The following P4HA1 variants were observed in gnomAD, a reference collection of about 807,000 sequenced individuals.
The protein encoded by P4HA1 is prolyl 4-hydroxylase subunit alpha 1, also known as prolyl 4-hydroxylase subunit alpha-1.
A neutral mutation model predicts 72.8 loss-of-function variants in P4HA1; 24 were observed. That is an observed-to-expected ratio of 0.33 (90% CI 0.24 to 0.46). The LOEUF (loss-of-function observed/expected upper bound fraction) is 0.46, where lower values mean the gene tolerates loss of function less well. Ranked by LOEUF, P4HA1 falls within the 20% of genes least tolerant of loss-of-function variation. The pLI, the probability that P4HA1 is intolerant of heterozygous loss-of-function variation, is 1.00. For synonymous variants in P4HA1, 201 were observed against 218.8 expected, an observed-to-expected ratio of 0.92 and a Z score of 0.72; for missense variants, 446 against 640.6, an observed-to-expected ratio of 0.70 and a Z score of 3.28.
At chr10:73,056,120 T>C (rs939324194) in intron 5 of P4HA1, among the ~76,000 whole-genome samples, 1 of 152,188 alleles carries the variant, frequency 6.6e-6, no homozygotes, top group Non-Finnish European at 1.5e-5. Context: ...AGTTATTTCA[T>C]TGAGATTTAG....
At chr10:73,093,873 AATATATATATATAT>A (rs1167437294) in intron 1 of P4HA1, among the ~76,000 whole-genome samples, 324 of 29,294 alleles carry the variant, frequency 0.011, 6 homozygotes, top group Non-Finnish European at 0.015. Flanking sequence ...AAAAAAAAAA[AATATATATATATAT>A]ATATATATAT....
At chr10:73,047,631 TAAAC>T (rs1415630755) in intron 7 of P4HA1, among the ~76,000 whole-genome samples, 2 of 150,936 alleles carry the variant, frequency 1.3e-5, no homozygotes, top group African/African-American at 2.4e-5. Context: ...AATAAGTTAT[TAAAC>T]AAAGATCCCA....
intron 1 of P4HA1, among the ~76,000 whole-genome samples, chr10:73,091,504 T>C (rs1450955138): frequency 1.3e-5 from 2 of 152,160 alleles, no homozygotes; most frequent in Non-Finnish European, 2.9e-5. Context: ...TTGGAGAAAT[T>C]AGATATGCAA....
At chr10:73,032,769 C>G (rs977737877) in intron 9 of P4HA1, among the ~76,000 whole-genome samples, 2 of 152,102 alleles carry the variant, frequency 1.3e-5, no homozygotes, top group East Asian at 3.9e-4. Flanking sequence ...ACAAAGGAAG[C>G]GAGCAAGCGT....
At chr10:73,060,472 C>A in intron 5 of P4HA1, among the ~76,000 whole-genome samples, 1 of 152,176 alleles carries the variant, frequency 6.6e-6, no homozygotes, top group Admixed American at 6.5e-5. Context: ...ACTCAGAAGG[C>A]TGAAGCAGGA....
rs766456432 is a variant in P4HA1, at chr10:73,047,095, G to A, written c.907C>T (p.Arg303Trp). The change falls in exon 8 of 15, where the codon CGG (arginine) becomes TGG (tryptophan). Residue 303 changes from arginine to tryptophan, a missense_variant. By Grantham distance (101) the Arg-to-Trp change is moderately radical. Coordinates refer to ENST00000394890, the MANE Select transcript of P4HA1 (RefSeq NM_001017962.3). ...CGGCAAAAGAGTTTTTTCTGTCTCC[G>A]AGGGGTCTAAACATAAAGTTAAGAA... Reference protein sequence around the residue: ...CRGEGIKMTPRRQKKLFCRYH... With the variant: ...CRGEGIKMTPWRQKKLFCRYH... The A allele has an allele frequency of 1.2e-6, 2 of 1,608,210 alleles. No individual in the cohort carries two copies. Among genetic ancestry groups the A allele is most frequent in the East Asian group, 2.2e-5 (1 of 44,808 alleles).
intron 13 of P4HA1, among the ~76,000 whole-genome samples, chr10:73,010,549 T>TG (rs1241019247): frequency 1.3e-5 from 2 of 152,162 alleles, no homozygotes; most frequent in Non-Finnish European, 2.9e-5. Flanking sequence ...TAAGTACTCG[T>TG]GGCAAGGACC....
intron 10 of P4HA1, among the ~76,000 whole-genome samples, chr10:73,026,361 T>G (rs1840268236): frequency 1.3e-5 from 2 of 152,150 alleles, no homozygotes. Flanking sequence ...GGGGAAAGGA[T>G]TCCCTATTTA....
intron 13 of P4HA1, among the ~76,000 whole-genome samples, chr10:73,010,395 AC>A (rs1291158190): frequency 6.6e-6 from 1 of 152,228 alleles, no homozygotes; most frequent in Non-Finnish European, 1.5e-5. Context: ...TATGAAAAAT[AC>A]CATAAAAATG....
At chr10:73,032,135 T>C (rs1339721375) in intron 9 of P4HA1, among the ~76,000 whole-genome samples, 1 of 152,186 alleles carries the variant, frequency 6.6e-6, no homozygotes, top group Non-Finnish European at 1.5e-5. Flanking sequence ...CTAACTCACT[T>C]CAGCCTCTCC....
chr10:73,037,872 T>C (rs1372746526), intron 9 of P4HA1, among the ~76,000 whole-genome samples: 1 of 152,018 alleles, frequency 6.6e-6, no homozygotes, highest in Non-Finnish European at 1.5e-5. Flanking sequence ...TCAAAACTTT[T>C]TGTATTTGTT....
chr10:73,060,104 C>T (rs1841277027), intron 5 of P4HA1, among the ~76,000 whole-genome samples: 1 of 152,100 alleles, frequency 6.6e-6, no homozygotes, highest in Non-Finnish European at 1.5e-5. Context: ...AAGATTTTGA[C>T]TGATCATATC....
At chr10:73,067,589 CAT>C (rs1372092809) in intron 5 of P4HA1, among the ~76,000 whole-genome samples, 1 of 152,168 alleles carries the variant, frequency 6.6e-6, no homozygotes, top group Admixed American at 6.6e-5. Flanking sequence ...ATACAAACTA[CAT>C]GTTAGTTATC....
intron 1 of P4HA1, among the ~76,000 whole-genome samples, chr10:73,087,075 A>T (rs528055336): frequency 1.8e-4 from 28 of 152,142 alleles, no homozygotes; most frequent in African/African-American, 3.4e-4. Context: ...GTTTCTCCAA[A>T]GTAGCTACAC....
At chr10:73,019,844 AT>A (rs1840094853) in intron 10 of P4HA1, among the ~76,000 whole-genome samples, 1 of 151,870 alleles carries the variant, frequency 6.6e-6, no homozygotes, top group South Asian at 2.1e-4. Context: ...ATTATTTAAT[AT>A]TACTCAGAGG....
At chr10:73,061,352 G>A (rs1417805687) in intron 5 of P4HA1, among the ~76,000 whole-genome samples, 3 of 151,984 alleles carry the variant, frequency 2.0e-5, no homozygotes, top group African/African-American at 7.3e-5. Flanking sequence ...AACCACCAAA[G>A]TAGTCAACTC....
intron 10 of P4HA1, among the ~76,000 whole-genome samples, chr10:73,022,157 T>C (rs1435788293): frequency 6.6e-6 from 1 of 152,176 alleles, no homozygotes; most frequent in Non-Finnish European, 1.5e-5. Flanking sequence ...CAGGATGGCA[T>C]TTGAGCTCTG....
At position 73,051,106 on chromosome 10, in the gene P4HA1, G is replaced by A; in HGVS notation, c.847C>T (p.Leu283=). The A allele has an allele frequency of 6.2e-7, 1 of 1,614,106 alleles. No homozygotes were observed. The highest frequency in any genetic ancestry group is 8.5e-7 in the Non-Finnish European group (1 of 1,180,010). Residue 283 remains leucine, a synonymous_variant, in exon 7 of 15, where the codon CTG becomes TTG. Coordinates refer to ENST00000394890, the MANE Select transcript of P4HA1 (RefSeq NM_001017962.3). ...PKKKGVAVDY[L]PERQKYEMLC... is the part of the protein sequence containing the mutation. Reference sequence around the variant, plus strand: ...ATTTCGTACTTCTGTCTCTCTGGCAGGTAATCCACAGCAACCCCTTTTTTC... The same window carrying A: ...ATTTCGTACTTCTGTCTCTCTGGCAAGTAATCCACAGCAACCCCTTTTTTC...
At chr10:73,077,743 G>A (rs1210610365) in intron 1 of P4HA1, among the ~76,000 whole-genome samples, 1 of 151,798 alleles carries the variant, frequency 6.6e-6, no homozygotes, top group Non-Finnish European at 1.5e-5. Flanking sequence ...TACTTTGGGA[G>A]GCCAAGGAAA....
Sources: gnomAD v4.1 joint callset for allele counts (sites outside exome capture counted in the v4.1 genomes callset) on GRCh38, gnomAD v4.1.1 for gene constraint, MANE v1.5 for transcripts, NCBI Gene and HGNC (gene_info 2026-07-23, HGNC 2026-07-21) for gene names.